The following MYL4 variants were observed in gnomAD, a reference collection of about 807,000 sequenced individuals.
The protein encoded by MYL4 is myosin light chain 4.
Under a neutral mutation model 21.6 loss-of-function variants are expected in MYL4, and 16 were observed. That is an observed-to-expected ratio of 0.74 (90% CI 0.50 to 1.12). MYL4 has a LOEUF of 1.12. Ranked by LOEUF, MYL4 falls within the 50% of genes most tolerant of loss-of-function variation. The pLI is 0.00. For synonymous variants in MYL4, 82 were observed against 95.7 expected, an observed-to-expected ratio of 0.86 and a Z score of 0.83; for missense variants, 249 against 252.9, an observed-to-expected ratio of 0.98 and a Z score of 0.11.
chr17:47,214,044 A>T (rs1598654790), intron 2 of MYL4: 1 of 538,020 alleles, frequency 1.9e-6, no homozygotes, highest in Admixed American at 3.0e-5. Flanking sequence ...CATGAGGTAG[A>T]AATTGTTACC....
At chr17:47,218,832 G>A (rs549179680) in intron 2 of MYL4, among the ~76,000 whole-genome samples, 11 of 152,272 alleles carry the variant, frequency 7.2e-5, no homozygotes, top group African/African-American at 2.4e-4. Flanking sequence ...GAAGAGTTAA[G>A]GTTCTTTGAA....
the MYL4 span, among the ~76,000 whole-genome samples, chr17:47,192,479 C>T: frequency 2.6e-5 from 4 of 151,416 alleles, no homozygotes; most frequent in Non-Finnish European, 2.9e-5. Flanking sequence ...GAAACCCCAT[C>T]TCTACTAAAA....
chr17:47,196,680 A>G (rs976340931), upstream of MYL4, among the ~76,000 whole-genome samples: 1 of 152,134 alleles, frequency 6.6e-6, no homozygotes, highest in Non-Finnish European at 1.5e-5. Context: ...ATATTCCTAG[A>G]CCTACCTAAT....
chr17:47,217,185 G>T (rs547884177), intron 2 of MYL4, among the ~76,000 whole-genome samples: 1 of 152,034 alleles, frequency 6.6e-6, no homozygotes. Flanking sequence ...GCCTGGGTGC[G>T]GTGGCTCATA....
chr17:47,201,556 A>C (rs1177421366), intron 1 of MYL4, among the ~76,000 whole-genome samples: 1 of 151,916 alleles, frequency 6.6e-6, no homozygotes, highest in African/African-American at 2.4e-5. Context: ...TCCCAGGTTC[A>C]AGTGATTCTC....
At chr17:47,202,280 C>T (rs117432635) in intron 1 of MYL4, among the ~76,000 whole-genome samples, 144 of 152,354 alleles carry the variant, frequency 9.5e-4, no homozygotes, top group South Asian at 2.7e-3. Context: ...GCCACTGTGC[C>T]AGGCCCACAT....
chr17:47,193,712 T>C, the MYL4 span, among the ~76,000 whole-genome samples: 10 of 151,776 alleles, frequency 6.6e-5, no homozygotes, highest in Admixed American at 2.0e-4. Flanking sequence ...TCTTTCTTTC[T>C]TTCCTTCCTT....
upstream of MYL4, among the ~76,000 whole-genome samples, chr17:47,208,498 G>T (rs948166581): frequency 6.6e-6 from 1 of 151,722 alleles, no homozygotes; most frequent in East Asian, 1.9e-4. Context: ...GATTTAATGA[G>T]ATTTTATATG....
chr17:47,193,054 C>T, the MYL4 span, among the ~76,000 whole-genome samples: 1 of 152,108 alleles, frequency 6.6e-6, no homozygotes, highest in Non-Finnish European at 1.5e-5. Context: ...TGAAACATAG[C>T]CCAGAGTAAG....
chr17:47,216,353 A>G (rs192102561), intron 2 of MYL4, among the ~76,000 whole-genome samples: 112 of 121,978 alleles, frequency 9.2e-4, no homozygotes, highest in Middle Eastern at 4.7e-3. Context: ...TCAGTGTTTG[A>G]TTTTTTTATG....
intron 5 of MYL4, 55 bp downstream of exon 5, chr17:47,222,512 G>C (rs1437073700): frequency 3.2e-6 from 5 of 1,570,802 alleles, no homozygotes; most frequent in Non-Finnish European, 4.4e-6. Flanking sequence ...GATGGGAACA[G>C]CTTGGGTGGG....
At chr17:47,214,915 G>T (rs2064803058) in intron 2 of MYL4, among the ~76,000 whole-genome samples, 1 of 152,012 alleles carries the variant, frequency 6.6e-6, no homozygotes. Flanking sequence ...CAATTATATA[G>T]ACTCTCACAC....
intron 1 of MYL4, 27 bp from the exon 2 acceptor site, chr17:47,213,772 C>T (rs777714860): frequency 2.5e-5 from 40 of 1,613,646 alleles, no homozygotes; most frequent in Non-Finnish European, 3.3e-5. Context: ...GCAATCCAAG[C>T]CCTCACTACT....
Position 47,221,039 on chromosome 17 carries a change from C to T in MYL4, c.314-643C>T, listed in dbSNP as rs150176282. ...TGCATCTCAGAAGTCAGAAGCAAGT[C>T]CTGTGTGCTTATAAAAGAAAGAAAT... is the stretch of plus-strand genomic sequence containing the variant. On this transcript the variant is annotated intron_variant, in intron 3 of 6. Transcript: ENST00000393450. 5.3e-3 allele frequency among the ~76,000 whole-genome samples: 811 copies of T among 152,148 alleles called. 7 individuals are homozygous for T. Among genetic ancestry groups the T allele is most frequent in the Middle Eastern group, 0.031 (9 of 294 alleles).
At chr17:47,202,962 T>C (rs535663651) in intron 1 of MYL4, among the ~76,000 whole-genome samples, 3 of 151,932 alleles carry the variant, frequency 2.0e-5, no homozygotes, top group South Asian at 4.1e-4. Flanking sequence ...TATTTATTTA[T>C]TTACTTATAG....
chr17:47,216,798 A>G (rs1331752818), intron 2 of MYL4, among the ~76,000 whole-genome samples: 4 of 151,548 alleles, frequency 2.6e-5, no homozygotes, highest in Non-Finnish European at 5.9e-5. Context: ...GGGTTCAAGC[A>G]ATTCTCCTGC....
chr17:47,205,215 G>T (rs906019655), upstream of MYL4, among the ~76,000 whole-genome samples: 1 of 152,184 alleles, frequency 6.6e-6, no homozygotes, highest in Non-Finnish European at 1.5e-5. Flanking sequence ...GTCCCTCATG[G>T]GAGCATTTGG....
the MYL4 span, chr17:47,189,464 C>A: frequency 2.0e-6 from 1 of 510,332 alleles, no homozygotes; most frequent in South Asian, 2.2e-5. Flanking sequence ...CCGAGTCTGA[C>A]CCAAAGCGTA....
At chr17:47,208,294 T>A (rs1245086722), upstream of MYL4, among the ~76,000 whole-genome samples, 1 of 152,060 alleles carries the variant, frequency 6.6e-6, no homozygotes, top group East Asian at 1.9e-4. Flanking sequence ...ATTAGCCAAG[T>A]GTGCTGGTGT....
Sources: gnomAD v4.1 joint callset for allele counts (sites outside exome capture counted in the v4.1 genomes callset) on GRCh38, gnomAD v4.1.1 for gene constraint, MANE v1.5 for transcripts, NCBI Gene and HGNC (gene_info 2026-07-23, HGNC 2026-07-21) for gene names.